Variants in AKAP8L observed in about 807,000 individuals in gnomAD.
AKAP8L encodes A-kinase anchor protein 8-like.
AKAP8L carries 34 observed loss-of-function variants against 77.5 expected under a neutral mutation model. The observed-to-expected ratio is 0.44, with a 90% CI of 0.33 to 0.58. The LOEUF (loss-of-function observed/expected upper bound fraction) is 0.58, where lower values mean the gene tolerates loss of function less well. Among genes scored for constraint, AKAP8L ranks in the 20% least tolerant of loss-of-function variants. The probability of loss-of-function intolerance (pLI) is 0.02; values close to 1 mark genes in which losing one functional copy is unlikely to be tolerated. For synonymous variants in AKAP8L, 342 were observed against 340.7 expected (o/e 1.00, Z -0.04); for missense variants, 806 against 887.6 (o/e 0.91, Z 1.17).
chr19:15,399,470 C>G lies in AKAP8L; in HGVS notation c.1049-60G>C. 3.1e-6 allele frequency: 4 copies of G among 1,285,284 alleles called. No individual in the cohort carries two copies. The highest frequency in any genetic ancestry group is 4.5e-6 in the Non-Finnish European group (4 of 883,604). The allele number at this position is 1,285,284 out of a possible 1,614,324, so 79.6% of individuals were successfully genotyped here. A position where few individuals can be genotyped will look rare whatever the true frequency, so the allele number is the denominator to read the frequency against. On this transcript the variant is annotated intron_variant, in intron 8 of 13. Transcript: ENST00000397410. This position sits in a 1 kb window ranked among gnomAD's most constrained non-coding sequence, Gnocchi z 6.1. ...CTCTGCCAGGACAGGGCAGGCCCTG[C>G]GGCCTCTGGCTGAATCACCCACTGT... is the stretch of plus-strand genomic sequence containing the variant.
intron 12 of AKAP8L, among the ~76,000 whole-genome samples, chr19:15,387,654 A>C (rs561966450): frequency 2.6e-5 from 4 of 152,186 alleles, no homozygotes; most frequent in African/African-American, 9.6e-5. Context: ...ATCTCAAACA[A>C]CCACCTCAAA....
chr19:15,382,489 C>T (rs1967440358), intron 12 of AKAP8L, among the ~76,000 whole-genome samples: 1 of 152,170 alleles, frequency 6.6e-6, no homozygotes, highest in African/African-American at 2.4e-5. Flanking sequence ...AGGCGTGAGC[C>T]ACCACGCCCA....
chr19:15,409,462 G>A (rs1968066727), intron 2 of AKAP8L, among the ~76,000 whole-genome samples: 1 of 152,212 alleles, frequency 6.6e-6, no homozygotes, highest in African/African-American at 2.4e-5. Context: ...GGGACTAGCT[G>A]CTGTTACTTG....
At chr19:15,417,999 G>GGCT (rs1185982989) in intron 1 of AKAP8L, among the ~76,000 whole-genome samples, 1 of 152,290 alleles carries the variant, frequency 6.6e-6, no homozygotes, top group East Asian at 1.9e-4. Flanking sequence ...TGGCCTCCCT[G>GGCT]GCTGATCTTC....
At position 15,399,371 on chromosome 19, in the gene AKAP8L, C is replaced by G; in HGVS notation, c.1088G>C (p.Arg363Pro). The G allele has an allele frequency of 1.2e-6, 2 of 1,613,876 alleles. No individual in the cohort carries two copies. Among genetic ancestry groups the G allele is most frequent in the South Asian group, 2.2e-5 (2 of 91,084 alleles). Residue 363 changes from arginine to proline, a missense_variant, in exon 9 of 14, where the codon CGC becomes CCC. By Grantham distance (103) the Arg-to-Pro change is moderately radical (BLOSUM62 -2). Around this residue, in one of 2 missense-constraint regions of AKAP8L, gnomAD observed 580 missense variants for 694.1 expected, o/e 0.84. Transcript: ENST00000397410. This position sits in a 1 kb window ranked among gnomAD's most constrained non-coding sequence, Gnocchi z 6.1. ...TTQDENGQTK[R>P]KLQAGKKSQD... ...ACTCTTCTTGCCTGCCTGCAACTTG[C>G]GCTTGGTCTGGCCATTTTCATCCTG...
rs1967808854 is a variant in AKAP8L at position 15,397,822 on chromosome 19, C to CA, written c.1190_1191insT (p.Thr398AspfsTer4). 1 of 1,613,786 alleles carries CA rather than the reference C, an allele frequency of 6.2e-7. No individual in the cohort carries two copies. The highest frequency in any genetic ancestry group is 1.7e-5 in the Admixed American group (1 of 59,976). On this transcript the variant is annotated frameshift_variant, in exon 10 of 14. Coordinates refer to ENST00000397410, the MANE Select transcript of AKAP8L (RefSeq NM_014371.4). LOFTEE classifies it high-confidence loss of function. This position sits in a 1 kb window ranked among gnomAD's most constrained non-coding sequence, Gnocchi z 4.7. ...TGGCCATCTCGTCCTCATAGAAGGT[C>CA]CGGTATTTGCACAGAGAACACACAA...
intron 1 of AKAP8L, among the ~76,000 whole-genome samples, chr19:15,413,100 G>A (rs931681910): frequency 1.3e-5 from 2 of 152,134 alleles, no homozygotes; most frequent in Non-Finnish European, 2.9e-5. Flanking sequence ...TGCTTTCCCT[G>A]CAGGGTGCTA....
At position 15,389,880 on chromosome 19, in the gene AKAP8L, A is replaced by G. The variant is rs186746967; in HGVS notation, c.1536+7270T>C. Among the ~76,000 whole-genome samples the G allele has an allele frequency of 1.7e-3, 264 of 150,976 alleles. 6 individuals carry two copies. The highest frequency in any genetic ancestry group is 6.2e-3 in the African/African-American group (253 of 41,014). On this transcript the variant is annotated intron_variant, in intron 12 of 13. Transcript: ENST00000397410. Reference sequence around the variant, plus strand: ...AAGACAGGGGAAAAATCTTGAAAGCAGCAAGACAAAACAAATCATCACAAG... The same window carrying G: ...AAGACAGGGGAAAAATCTTGAAAGCGGCAAGACAAAACAAATCATCACAAG...
At position 15,380,578 on chromosome 19, in the gene AKAP8L, A is replaced by G. The variant is rs1293654434; in HGVS notation, c.1571T>C (p.Met524Thr). The G allele has an allele frequency of 1.2e-6, 2 of 1,613,714 alleles. No homozygotes were observed. Among genetic ancestry groups the G allele is most frequent in the Non-Finnish European group, 1.7e-6 (2 of 1,179,886 alleles). ...GTTGTTGAGAATACTGCGGGCCACC[A>G]TGAGGGAGGACTTCTTGGACTGCTC... ...MMEQSKKSSL[M>T]VARSILNNKL... is the part of the protein sequence containing the mutation. Residue 524 changes from methionine (M) to threonine (T), a missense_variant, in exon 13 of 14, where the codon ATG becomes ACG. Coordinates refer to ENST00000397410, the MANE Select transcript of AKAP8L (RefSeq NM_014371.4).
At chr19:15,382,447 C>G (rs1967439242) in intron 12 of AKAP8L, among the ~76,000 whole-genome samples, 1 of 152,142 alleles carries the variant, frequency 6.6e-6, no homozygotes, top group Non-Finnish European at 1.5e-5. Context: ...AGGACCTCCA[C>G]CCATCTCGGC....
intron 1 of AKAP8L, among the ~76,000 whole-genome samples, chr19:15,418,008 T>A (rs1212976512): frequency 6.6e-6 from 1 of 152,196 alleles, no homozygotes; most frequent in African/African-American, 2.4e-5. Flanking sequence ...TGGCTGATCT[T>A]CTAACAAGCC....
At chr19:15,412,337 G>A (rs1285032274) in intron 1 of AKAP8L, among the ~76,000 whole-genome samples, 1 of 152,042 alleles carries the variant, frequency 6.6e-6, no homozygotes, top group Non-Finnish European at 1.5e-5. Context: ...AGTGGAGATC[G>A]TGCCACTGCA....
At chr19:15,400,401 T>G (rs1210837499) in intron 7 of AKAP8L, 43 bp from the exon 8 acceptor site, 1 of 1,577,176 alleles carries the variant, frequency 6.3e-7, no homozygotes, top group East Asian at 2.2e-5. Context: ...TGCCTTTTTT[T>G]TTTTTTTTAA....
At chr19:15,388,588 C>T (rs1235191257) in intron 12 of AKAP8L, among the ~76,000 whole-genome samples, 1 of 152,090 alleles carries the variant, frequency 6.6e-6, no homozygotes, top group East Asian at 1.9e-4. Flanking sequence ...ACCAAAAATC[C>T]ATTTGAAGGA....
In AKAP8L at chr19:15,399,585, G is replaced by C. The variant is rs963002717; in HGVS notation, c.1049-175C>G. 3 of 622,562 alleles carry C rather than the reference G, an allele frequency of 4.8e-6. No homozygotes were observed. The highest frequency in any genetic ancestry group is 8.7e-6 in the Non-Finnish European group (3 of 346,150). The allele number at this position is 622,562 out of a possible 1,614,324, so 38.6% of individuals were successfully genotyped here. A position where few individuals can be genotyped will look rare whatever the true frequency, so the allele number is the denominator to read the frequency against. Reference sequence around the variant, plus strand: ...GTATCCTGGGCTGTGCAGGGAGTGGGTTTGGCCTAGGCCCCAAGGAGTGGG... The same window carrying C: ...GTATCCTGGGCTGTGCAGGGAGTGGCTTTGGCCTAGGCCCCAAGGAGTGGG... On this transcript the variant is annotated intron_variant, in intron 8 of 13. Coordinates refer to ENST00000397410, the MANE Select transcript of AKAP8L (RefSeq NM_014371.4). This position sits in a 1 kb window ranked among gnomAD's most constrained non-coding sequence, Gnocchi z 6.1.
At chr19:15,385,310 T>C (rs1967510386) in intron 12 of AKAP8L, among the ~76,000 whole-genome samples, 1 of 139,404 alleles carries the variant, frequency 7.2e-6, no homozygotes, top group Non-Finnish European at 1.5e-5. Context: ...GCCTCCCGAG[T>C]AGCTGGGACT....
chr19:15,413,356 G>A (rs922197149), intron 1 of AKAP8L, among the ~76,000 whole-genome samples: 1 of 152,118 alleles, frequency 6.6e-6, no homozygotes, highest in Admixed American at 6.6e-5. Flanking sequence ...CAGACCCCAC[G>A]TGACTTCTCT....
At chr19:15,410,976 C>G (rs1968096536) in intron 1 of AKAP8L, among the ~76,000 whole-genome samples, 1 of 152,118 alleles carries the variant, frequency 6.6e-6, no homozygotes, top group African/African-American at 2.4e-5. Context: ...TCATTCGCAG[C>G]TAATTTTTAT....
chr19:15,405,233 C>T (rs898466866), intron 2 of AKAP8L, among the ~76,000 whole-genome samples: 2 of 152,186 alleles, frequency 1.3e-5, no homozygotes, highest in African/African-American at 4.8e-5. Flanking sequence ...GGCAGAGCCA[C>T]ATAAAGAAAA....
Sources: allele counts gnomAD v4.1 joint callset (sites outside exome capture counted in the v4.1 genomes callset), GRCh38; gene constraint gnomAD v4.1.1; regional missense constraint gnomAD v4.1.1; non-coding constraint Gnocchi (gnomAD v3.1); transcripts MANE v1.5; gene names NCBI Gene and HGNC (gene_info 2026-07-23, HGNC 2026-07-21).